The following SPMAP2 variants were observed in gnomAD, a reference collection of about 807,000 sequenced individuals.
SPMAP2 encodes the protein Theg homolog.
the SPMAP2 span, chr19:373,500 C>T: frequency 6.2e-7 from 1 of 1,613,420 alleles, no homozygotes. Flanking sequence ...GTGGTGTCCT[C>T]AAGGAACCGC....
the SPMAP2 span, among the ~76,000 whole-genome samples, chr19:366,139 CAA>C: frequency 1.4e-5 from 2 of 141,838 alleles, no homozygotes. Flanking sequence ...GACTCCATCT[CAA>C]AAAAAAAAAA....
the SPMAP2 span, among the ~76,000 whole-genome samples, chr19:371,741 T>A: frequency 6.6e-6 from 1 of 152,138 alleles, no homozygotes; most frequent in African/African-American, 2.4e-5. Context: ...TGTCCTGAGG[T>A]TGCAAAGCTG....
chr19:366,667 A>G, the SPMAP2 span, among the ~76,000 whole-genome samples: 1 of 152,192 alleles, frequency 6.6e-6, no homozygotes, highest in African/African-American at 2.4e-5. Flanking sequence ...AGGCAGCAGG[A>G]AACTGGGAAA....
the SPMAP2 span, chr19:362,027 C>T: frequency 1.8e-5 from 8 of 454,638 alleles, no homozygotes; most frequent in Admixed American, 8.6e-5. Flanking sequence ...GAAAGTGACT[C>T]GGAAAATAAA....
the SPMAP2 span, among the ~76,000 whole-genome samples, chr19:368,517 T>C: frequency 6.6e-6 from 1 of 152,166 alleles, no homozygotes; most frequent in Non-Finnish European, 1.5e-5. The surrounding 1 kb of genome is among the most constrained non-coding windows in gnomAD (Gnocchi z 4.1). Flanking sequence ...TGAAATGTTT[T>C]CTTCCTTAAA....
the SPMAP2 span, chr19:373,933 G>A: frequency 6.2e-7 from 1 of 1,612,916 alleles, no homozygotes; most frequent in African/African-American, 1.3e-5. Context: ...GACAGCCCTG[G>A]ACTTACCAGC....
the SPMAP2 span, among the ~76,000 whole-genome samples, chr19:362,805 A>G: frequency 6.7e-6 from 1 of 149,520 alleles, no homozygotes; most frequent in Non-Finnish European, 1.5e-5. Flanking sequence ...CCCCCATTCA[A>G]ACGGCCTGCT....
the SPMAP2 span, chr19:367,360 T>C: frequency 1.2e-6 from 1 of 844,948 alleles, no homozygotes; most frequent in Admixed American, 3.8e-5. Flanking sequence ...AATGTATTCA[T>C]GAAAGGATTA....
the SPMAP2 span, chr19:366,934 A>T: frequency 9.3e-7 from 1 of 1,070,456 alleles, no homozygotes; most frequent in Non-Finnish European, 1.3e-6. Flanking sequence ...TCCGGACCAC[A>T]CGTCCCTGTG....
chr19:373,646 G>A, the SPMAP2 span: 2 of 983,640 alleles, frequency 2.0e-6, no homozygotes, highest in Non-Finnish European at 3.1e-6. Context: ...GTTGCTGGGA[G>A]AGGGGGTAGG....
At chr19:367,355 A>G in the SPMAP2 span, 17 of 886,640 alleles carry the variant, frequency 1.9e-5, no homozygotes, top group Non-Finnish European at 2.6e-5. Context: ...TTTGTAATGT[A>G]TTCATGAAAG....
At chr19:364,161 A>AG in the SPMAP2 span, among the ~76,000 whole-genome samples, 5 of 147,228 alleles carry the variant, frequency 3.4e-5, no homozygotes, top group Non-Finnish European at 6.0e-5. Context: ...GTGAAATCCC[A>AG]TCTCTACTAA....
chr19:374,462 GC>G, the SPMAP2 span: 2 of 1,612,756 alleles, frequency 1.2e-6, no homozygotes, highest in Non-Finnish European at 1.7e-6. Flanking sequence ...CTGCTTTCCC[GC>G]CCCGATGCGT....
the SPMAP2 span, among the ~76,000 whole-genome samples, chr19:369,368 C>G: frequency 6.6e-6 from 1 of 152,008 alleles, no homozygotes; most frequent in South Asian, 2.1e-4. Context: ...AAGACGGCGG[C>G]CAGGATGAGG....
At chr19:364,193 C>T in the SPMAP2 span, among the ~76,000 whole-genome samples, 26 of 150,598 alleles carry the variant, frequency 1.7e-4, no homozygotes, top group East Asian at 7.8e-4. Flanking sequence ...AAAAATTAGC[C>T]GGGCGTGGTG....
chr19:367,050 G>A, the SPMAP2 span: 7 of 1,612,562 alleles, frequency 4.3e-6, no homozygotes, highest in African/African-American at 1.3e-5. Flanking sequence ...TGCCTAGCCT[G>A]AGGCACCTAC....
At chr19:368,430 T>TA in the SPMAP2 span, among the ~76,000 whole-genome samples, 1 of 151,764 alleles carries the variant, frequency 6.6e-6, no homozygotes, top group Non-Finnish European at 1.5e-5. This position sits in a 1 kb window ranked among gnomAD's most constrained non-coding sequence, Gnocchi z 4.1. Context: ...GTCTCCCACT[T>TA]ATGCTTTGCT....
chr19:369,194 C>T, the SPMAP2 span, among the ~76,000 whole-genome samples: 2 of 152,136 alleles, frequency 1.3e-5, no homozygotes, highest in Non-Finnish European at 2.9e-5. Flanking sequence ...GGAGAAGACG[C>T]GACCACACAC....
the SPMAP2 span, chr19:362,213 C>T: frequency 4.5e-6 from 7 of 1,547,872 alleles, no homozygotes; most frequent in Non-Finnish European, 6.1e-6. Context: ...GAGGCCAGGC[C>T]TGGGTTGATC....
Sources: gnomAD v4.1 joint callset for allele counts (sites outside exome capture counted in the v4.1 genomes callset) on GRCh38, gnomAD v4.1.1 for gene constraint, Gnocchi (gnomAD v3.1) non-coding constraint, MANE v1.5 for transcripts, NCBI Gene and HGNC (gene_info 2026-07-23, HGNC 2026-07-21) for gene names.